EMC9: variants seen among roughly 807,000 people sequenced by gnomAD.
EMC9 encodes UPF0172 protein FAM158A.
In EMC9, 20 loss-of-function variants were observed where a neutral mutation model predicts 25.0. The observed-to-expected ratio is 0.80, with a 90% CI of 0.56 to 1.16. The LOEUF is 1.16. Ranked by LOEUF, EMC9 falls within the 50% of genes most tolerant of loss-of-function variation. The pLI is 0.00. For synonymous variants in EMC9, 100 were observed against 107.0 expected, an observed-to-expected ratio of 0.93 and a Z score of 0.40; for missense variants, 256 against 268.7, an observed-to-expected ratio of 0.95 and a Z score of 0.33.
intron 3 of EMC9, 107 bp downstream of exon 3, chr14:24,140,782 C>T: frequency 7.8e-7 from 1 of 1,276,570 alleles, no homozygotes; most frequent in African/African-American, 1.5e-5. Context: ...CTTGGTTCAT[C>T]TTGTGCGCCC....
Position 24,139,764 on chromosome 14 carries a change from A to C in EMC9, c.276-150T>G. 6.5e-7 allele frequency: 1 copy of C among 1,544,742 alleles called. No homozygotes were observed. The highest frequency in any genetic ancestry group is 8.7e-7 in the Non-Finnish European group (1 of 1,143,374). Reference sequence around the variant, plus strand: ...GGGGATCGGGCCTGCTGGATGCTTGATGCACGACTGCTTGATGCTTGAGTG... The same window carrying C: ...GGGGATCGGGCCTGCTGGATGCTTGCTGCACGACTGCTTGATGCTTGAGTG... On this transcript the variant is annotated intron_variant, in intron 3 of 5. Transcript: ENST00000216799. The surrounding 1 kb of genome is among the most constrained non-coding windows in gnomAD (Gnocchi z 4.6).
chr14:24,139,157 C>T lies in EMC9; in HGVS notation c.480G>A (p.Val160=). Reference sequence around the variant, plus strand: ...GGGCCCGATCTTCCAGTAGAGCTCCCACCATCTGCCGTGACTCTTCCCAGT... The same window carrying T: ...GGGCCCGATCTTCCAGTAGAGCTCCTACCATCTGCCGTGACTCTTCCCAGT... ...WRDWEESRQM[V]GALLEDRAHQ... Residue 160 remains valine, a synonymous_variant, in exon 6 of 6, where the codon GTG becomes GTA. Transcript: ENST00000216799. The surrounding 1 kb of genome is among the most constrained non-coding windows in gnomAD (Gnocchi z 4.6). The T allele has an allele frequency of 1.2e-6, 2 of 1,614,226 alleles. No homozygotes were observed. The highest frequency in any genetic ancestry group is 1.1e-5 in the South Asian group (1 of 91,092).
chr14:24,140,826 T>TC, intron 3 of EMC9, 63 bp downstream of exon 3: 1 of 1,074,414 alleles, frequency 9.3e-7, no homozygotes. Flanking sequence ...ATCCTCGCCC[T>TC]CTATTCCTCC....
In EMC9 at chr14:24,139,350, G is replaced by C; in HGVS notation, c.440+10C>G. 1 of 1,613,530 alleles carries C rather than the reference G, an allele frequency of 6.2e-7. No homozygotes were observed. The highest frequency in any genetic ancestry group is 8.5e-7 in the Non-Finnish European group (1 of 1,179,604). ...CTTCTAAGAAGAGGTAGAGGGAGTG[G>C]GGTACTCACAAGTTCTTATCCTTAG... On this transcript the variant is annotated intron_variant, in intron 5 of 5. Transcript: ENST00000216799. The surrounding 1 kb of genome is among the most constrained non-coding windows in gnomAD (Gnocchi z 4.6).
Position 24,141,424 on chromosome 14 carries a change from C to A in EMC9, c.-13+14G>T. 6 of 1,066,976 alleles carry A rather than the reference C, an allele frequency of 5.6e-6. No individual in the cohort carries two copies. Among genetic ancestry groups the A allele is most frequent in the Non-Finnish European group, 8.2e-6 (6 of 727,704 alleles). The allele number at this position is 1,066,976 out of a possible 1,614,324, so 66.1% of individuals were successfully genotyped here. A position where few individuals can be genotyped will look rare whatever the true frequency, so the allele number is the denominator to read the frequency against. Reference sequence around the variant, plus strand: ...CTTCGGCACGCTCTTTGACCCTTCCCCGTGCCCTCTCACTTCGGTTCGGCG... The same window carrying A: ...CTTCGGCACGCTCTTTGACCCTTCCACGTGCCCTCTCACTTCGGTTCGGCG... On this transcript the variant is annotated intron_variant, in intron 1 of 5. Transcript: ENST00000216799.
Position 24,139,895 on chromosome 14 carries a change from C to G in EMC9, c.276-281G>C. On this transcript the variant is annotated intron_variant, in intron 3 of 5. Coordinates refer to ENST00000216799, the MANE Select transcript of EMC9 (RefSeq NM_016049.4). The surrounding 1 kb of genome is among the most constrained non-coding windows in gnomAD (Gnocchi z 4.6). ...CATCCAAATTGAAACTGTATACATA[C>G]TATACATATGCTGACCCAGAAATTC... is the stretch of plus-strand genomic sequence containing the variant. 1 of 674,898 alleles carries G rather than the reference C, an allele frequency of 1.5e-6. No homozygotes were observed. The highest frequency in any genetic ancestry group is 2.5e-6 in the Non-Finnish European group (1 of 399,364). 41.8% of individuals were successfully genotyped at this position (674,898 alleles called of 1,614,324 possible).
chr14:24,139,179 C>T lies in EMC9; in HGVS notation c.458G>A (p.Trp153Ter), dbSNP rs774164344. ...TCCCACCATCTGCCGTGACTCTTCC[C>T]AGTCCCTCCACATCACTCTGAAATA... ...KDKNLVMWRD[W>*]EESRQMVGAL... The change falls in exon 6 of 6, where the codon TGG (tryptophan) becomes TAG (stop). Residue 153 changes from tryptophan to a stop codon, truncating the protein, a stop_gained. Coordinates refer to ENST00000216799, the MANE Select transcript of EMC9 (RefSeq NM_016049.4). LOFTEE classifies it high-confidence loss of function. This position sits in a 1 kb window ranked among gnomAD's most constrained non-coding sequence, Gnocchi z 4.6. The T allele has an allele frequency of 6.8e-6, 11 of 1,614,212 alleles. No individual in the cohort carries two copies. The highest frequency in any genetic ancestry group is 2.2e-5 in the East Asian group (1 of 44,888).
chr14:24,140,247 C>T lies in EMC9; in HGVS notation c.276-633G>A, dbSNP rs140080062. 65 of 153,496 alleles carry T rather than the reference C, an allele frequency of 4.2e-4. No individual in the cohort carries two copies. The East Asian group carries it at 0.012, about 28-fold the overall frequency. The allele number at this position is 153,496 out of a possible 1,614,324, so 9.5% of individuals were successfully genotyped here. ...GGTTGGGATTTCTCTGTTCTTTCAG[C>T]CCCTGGGGGACACCTCAGTTAAAGC... On this transcript the variant is annotated intron_variant, in intron 3 of 5. Transcript: ENST00000216799.
chr14:24,140,030 T>G (rs2038013828), intron 3 of EMC9: 5 of 347,844 alleles, frequency 1.4e-5, no homozygotes, highest in South Asian at 1.1e-4. Flanking sequence ...ATATTCAGAC[T>G]ATATAGCTGT....
Position 24,141,257 on chromosome 14 carries a change from C to T in EMC9, c.48G>A (p.Leu16=). 1 of 1,613,534 alleles carries T rather than the reference C, an allele frequency of 6.2e-7. No homozygotes were observed. The highest frequency in any genetic ancestry group is 8.5e-7 in the Non-Finnish European group (1 of 1,179,768). ...CGGCGTGTGGGTACCGGGCAGCATG[C>T]AGGCACATCTTCACGTAGGCCAGGG... The part of the protein sequence containing the change: ...ISALAYVKMC[L]HAARYPHAAV... The change falls in exon 2 of 6, where the codon CTG becomes CTA. Residue 16 remains leucine (L), a synonymous_variant. Coordinates refer to ENST00000216799, the MANE Select transcript of EMC9 (RefSeq NM_016049.4).
In EMC9 at chr14:24,141,559, C is replaced by T. The variant is rs1271535722; in HGVS notation, c.-134G>A. The T allele has an allele frequency of 5.1e-6, 3 of 589,300 alleles. No individual in the cohort carries two copies. Among genetic ancestry groups the T allele is most frequent in the Non-Finnish European group, 9.1e-6 (3 of 329,876 alleles). 36.5% of individuals were successfully genotyped at this position (589,300 alleles called of 1,614,324 possible). Reference sequence around the variant, plus strand: ...GGTCCCGATTGCATCCGAGCCCCGCCTTCCCGCGCCCCTAGCTGGCGGCCG... The same window carrying T: ...GGTCCCGATTGCATCCGAGCCCCGCTTTCCCGCGCCCCTAGCTGGCGGCCG... On this transcript the variant is annotated 5_prime_UTR_variant, in exon 1 of 6. Transcript: ENST00000216799.
chr14:24,140,795 G>GCCCC, intron 3 of EMC9, 94 bp downstream of exon 3: 2 of 1,030,718 alleles, frequency 1.9e-6, no homozygotes, highest in Non-Finnish European at 2.9e-6. Flanking sequence ...GTGCGCCCCC[G>GCCCC]CCCCGCCCAC....
Position 24,141,136 on chromosome 14 carries a change from A to C in EMC9, c.169T>G (p.Ser57Ala), listed in dbSNP as rs750031565. Residue 57 changes from serine to alanine, a missense_variant, in exon 2 of 6, where the codon TCC (serine) becomes GCC (alanine). Coordinates refer to ENST00000216799, the MANE Select transcript of EMC9 (RefSeq NM_016049.4). ...VPLFHSHLAL[S>A]VMLEVALNQV... ...TTGAGGGCGACCTCCAACATGACGG[A>C]CAGGGCCAGGTGGCTGTGGAAGAGG... The C allele has an allele frequency of 3.7e-6, 6 of 1,614,116 alleles. No individual in the cohort carries two copies. The highest frequency in any genetic ancestry group is 4.2e-6 in the Non-Finnish European group (5 of 1,180,044).
At chr14:24,140,805 C>T (rs2038037757) in intron 3 of EMC9, 84 bp downstream of exon 3, 2 of 1,384,642 alleles carry the variant, frequency 1.4e-6, no homozygotes, top group African/African-American at 1.4e-5. Flanking sequence ...GCCCCGCCCA[C>T]CGCCCCACGC....
Position 24,139,706 on chromosome 14 carries a change from C to A in EMC9, c.276-92G>T. 6.4e-7 allele frequency: 1 copy of A among 1,557,072 alleles called. No individual in the cohort carries two copies. The highest frequency in any genetic ancestry group is 8.7e-7 in the Non-Finnish European group (1 of 1,150,390). ...GCCTCCCAGGTCTCATAGGTGTGGG[C>A]GCAGCTGTGGCCTTTCCCTGTAGGT... On this transcript the variant is annotated intron_variant, in intron 3 of 5. Transcript: ENST00000216799. This position sits in a 1 kb window ranked among gnomAD's most constrained non-coding sequence, Gnocchi z 4.6.
rs1045126183 is a variant in EMC9, at chr14:24,139,312, C to G, written c.440+48G>C. On this transcript the variant is annotated intron_variant, in intron 5 of 5. Transcript: ENST00000216799. This position sits in a 1 kb window ranked among gnomAD's most constrained non-coding sequence, Gnocchi z 4.6. ...GGCAGGGCCAAGGACAGAGGAGACC[C>G]AGGAGCCTTGGGCTTCTAAGAAGAG... is the stretch of plus-strand genomic sequence containing the variant. 9 of 1,606,198 alleles carry G rather than the reference C, an allele frequency of 5.6e-6. No individual in the cohort carries two copies. The highest frequency in any genetic ancestry group is 6.8e-6 in the Non-Finnish European group (8 of 1,175,044).
At position 24,140,955 on chromosome 14, in the gene EMC9, C is replaced by G. The variant is rs1342911833; in HGVS notation, c.209G>C (p.Trp70Ser). Residue 70 changes from tryptophan to serine, a missense_variant, in exon 3 of 6, where the codon TGG becomes TCG. By Grantham distance (177) the Trp-to-Ser change is radical. Coordinates refer to ENST00000216799, the MANE Select transcript of EMC9 (RefSeq NM_016049.4). The stretch of plus-strand genomic sequence containing the variant: ...CACCACCAGACCGGCCTGTGCTCCC[C>G]ACACATCCACCTGTCGTAGGAAAGG... ...LEVALNQVDV[W>S]GAQAGLVVAG... 6.2e-7 allele frequency: 1 copy of G among 1,614,254 alleles called. No homozygotes were observed. Among genetic ancestry groups the G allele is most frequent in the Admixed American group, 1.7e-5 (1 of 60,022 alleles).
chr14:24,140,013 T>G, intron 3 of EMC9: 1 of 371,216 alleles, frequency 2.7e-6, no homozygotes, highest in Admixed American at 3.4e-5. Context: ...TAAATTAGAG[T>G]ACATTCATAT....
rs1427435257 is a variant in EMC9, at chr14:24,141,461, T to A, written c.-36A>T. On this transcript the variant is annotated 5_prime_UTR_variant, in exon 1 of 6. Transcript: ENST00000216799. ...ACTTCGGTTCGGCGACAACGCTAAC[T>A]CGACTCGCAGGTAGCCCGCCGGCTC... The A allele has an allele frequency of 3.7e-6, 3 of 809,894 alleles. No homozygotes were observed. Among genetic ancestry groups the A allele is most frequent in the Admixed American group, 2.4e-5 (1 of 41,656 alleles). The allele number at this position is 809,894 out of a possible 1,614,324, so 50.2% of individuals were successfully genotyped here. A position where few individuals can be genotyped will look rare whatever the true frequency, so the allele number is the denominator to read the frequency against.
Sources: allele counts gnomAD v4.1 joint callset, GRCh38; gene constraint gnomAD v4.1.1; non-coding constraint Gnocchi (gnomAD v3.1); transcripts MANE v1.5; gene names NCBI Gene and HGNC (gene_info 2026-07-23, HGNC 2026-07-21).